Variants in ARHGEF7 observed in about 807,000 individuals in gnomAD.
ARHGEF7 encodes Rho guanine nucleotide exchange factor 7.
ARHGEF7 carries 33 observed loss-of-function variants against 109.8 expected under a neutral mutation model. The ratio of observed to expected loss-of-function variants is 0.30; its 90% CI spans 0.23 to 0.40. The LOEUF (loss-of-function observed/expected upper bound fraction) is 0.40, where lower values mean the gene tolerates loss of function less well. Ranked by LOEUF, ARHGEF7 falls within the 10% of genes least tolerant of loss-of-function variation. The pLI is 1.00. For synonymous variants in ARHGEF7, 458 were observed against 424.6 expected (o/e 1.08, Z -0.97); for missense variants, 938 against 1,098.5 (o/e 0.85, Z 2.07).
chr13:111,259,651 G>A (rs1000995769), intron 8 of ARHGEF7, among the ~76,000 whole-genome samples: 3 of 152,094 alleles, frequency 2.0e-5, no homozygotes, highest in Admixed American at 1.3e-4. Context: ...AAGAAGGATG[G>A]GTACAAACAA....
At chr13:111,175,224 G>A (rs1466134737) in intron 2 of ARHGEF7, among the ~76,000 whole-genome samples, 2 of 152,240 alleles carry the variant, frequency 1.3e-5, no homozygotes, top group Non-Finnish European at 2.9e-5. Context: ...GCCCCTGTGG[G>A]TCCCACACTG....
In ARHGEF7 at chr13:111,304,650, T is replaced by C. The variant is rs572169079; in HGVS notation, c.*1537T>C. On this transcript the variant is annotated 3_prime_UTR_variant, in exon 22 of 22. Transcript: ENST00000646102. The stretch of plus-strand genomic sequence containing the variant: ...GTGTTGTGTTGCTGTTTACGGTTCT[T>C]CCTTGCCCTTGCTAATTACAGTCTC... The C allele has an allele frequency of 6.6e-6, 1 of 152,370 alleles. No homozygotes were observed. The highest frequency in any genetic ancestry group is 1.9e-4 in the East Asian group (1 of 5,190). The allele number at this position is 152,370 out of a possible 1,614,324, so 9.4% of individuals were successfully genotyped here.
chr13:111,200,486 G>A (rs2081093383), intron 2 of ARHGEF7, among the ~76,000 whole-genome samples: 1 of 150,948 alleles, frequency 6.6e-6, no homozygotes, highest in Admixed American at 6.6e-5. Context: ...CTGTGTCAGA[G>A]GAATCCTTGA....
At chr13:111,221,298 T>TA (rs2083939636) in intron 5 of ARHGEF7, among the ~76,000 whole-genome samples, 1 of 47,190 alleles carries the variant, frequency 2.1e-5, no homozygotes, top group African/African-American at 9.1e-5. Context: ...TAGATATATA[T>TA]GTCTATATAT....
At chr13:111,153,216 A>G (rs1313067832) in intron 1 of ARHGEF7, among the ~76,000 whole-genome samples, 3 of 152,270 alleles carry the variant, frequency 2.0e-5, no homozygotes, top group Non-Finnish European at 4.4e-5. Flanking sequence ...GTTCTCTCCC[A>G]ACGATCAGGG....
chr13:111,290,487 A>G (rs191963981), intron 18 of ARHGEF7, among the ~76,000 whole-genome samples: 1 of 152,306 alleles, frequency 6.6e-6, no homozygotes, highest in Admixed American at 6.5e-5. Context: ...GCGTCTGAGG[A>G]TTTTGGTGTC....
At chr13:111,293,266 TC>T in intron 19 of ARHGEF7, 3 of 985,348 alleles carry the variant, frequency 3.0e-6, no homozygotes, top group Non-Finnish European at 3.6e-6. Flanking sequence ...ACCCCTGACA[TC>T]CATACTTATG....
chr13:111,208,292 T>C (rs12865137), intron 3 of ARHGEF7, among the ~76,000 whole-genome samples: 73,027 of 152,038 alleles, frequency 0.48, 17,988 homozygotes, highest in South Asian at 0.56. Context: ...CACCAGCCTC[T>C]GCCTCCCTAA....
At position 111,123,864 on chromosome 13, in the gene ARHGEF7, C is replaced by CCCG. The variant is rs1555339508; in HGVS notation, c.165+8175_165+8176insGCC. ...GCCATCGTTGGCTGGTGGGCTGCGC[C>CCCG]CCCCCCCCCCGGCCCCGCCCCCTGC... On this transcript the variant is annotated intron_variant, in intron 1 of 21. Coordinates refer to ENST00000646102, the MANE Select transcript of ARHGEF7 (RefSeq NM_001354046.2). Among the ~76,000 whole-genome samples the CCCG allele has an allele frequency of 4.3e-4, 14 of 32,810 alleles. 1 individual carries two copies. The highest frequency in any genetic ancestry group is 9.6e-4 in the South Asian group (1 of 1,040). The allele number at this position is 32,810 out of a possible 152,430, so 21.5% of individuals were successfully genotyped here.
intron 2 of ARHGEF7, among the ~76,000 whole-genome samples, chr13:111,165,892 T>C (rs2077087286): frequency 6.6e-6 from 1 of 152,132 alleles, no homozygotes; most frequent in Non-Finnish European, 1.5e-5. Context: ...TTGAACTAGA[T>C]GGTTTGAGAG....
Position 111,255,374 on chromosome 13 carries a change from C to T in ARHGEF7, c.950+11080C>T, listed in dbSNP as rs190520426. Among the ~76,000 whole-genome samples, 3 of 152,324 alleles carry T rather than the reference C, an allele frequency of 2.0e-5. No homozygotes were observed. Among genetic ancestry groups the T allele is most frequent in the Non-Finnish European group, 4.4e-5 (3 of 68,030 alleles). On this transcript the variant is annotated intron_variant, in intron 8 of 21. Coordinates refer to ENST00000646102, the MANE Select transcript of ARHGEF7 (RefSeq NM_001354046.2). The surrounding 1 kb of genome is among the most constrained non-coding windows in gnomAD (Gnocchi z 4.1). Reference sequence around the variant, plus strand: ...GTAAAGGTTAGGTTTGGATTGACAGCTCTCCTGGTCACCTGCCTCATGTTG... The same window carrying T: ...GTAAAGGTTAGGTTTGGATTGACAGTTCTCCTGGTCACCTGCCTCATGTTG...
chr13:111,283,066 G>A lies in ARHGEF7; in HGVS notation c.1726-73G>A, dbSNP rs56119510. On this transcript the variant is annotated intron_variant, in intron 15 of 21. Coordinates refer to ENST00000646102, the MANE Select transcript of ARHGEF7 (RefSeq NM_001354046.2). ...GTGTTTAAAGAGCAGAAGGAAGTGCGTGATAAGTGCCCTTTCGCGGTGAGC... is the reference window on the plus strand; with the variant it reads ...GTGTTTAAAGAGCAGAAGGAAGTGCATGATAAGTGCCCTTTCGCGGTGAGC... 3.5e-3 allele frequency: 5,228 copies of A among 1,484,470 alleles called. 37 individuals carry two copies. Among genetic ancestry groups the A allele is most frequent in the South Asian group, 0.018 (1,456 of 81,052 alleles). The allele number at this position is 1,484,470 out of a possible 1,614,324, so 92.0% of individuals were successfully genotyped here.
intron 6 of ARHGEF7, among the ~76,000 whole-genome samples, chr13:111,235,194 T>C (rs781483927): frequency 2.0e-5 from 3 of 152,222 alleles, no homozygotes; most frequent in Non-Finnish European, 2.9e-5. Flanking sequence ...ATAATTCTGT[T>C]AGAAAAAGTG....
chr13:111,135,131 A>G (rs1331118895), intron 1 of ARHGEF7, among the ~76,000 whole-genome samples: 2 of 152,128 alleles, frequency 1.3e-5, no homozygotes, highest in African/African-American at 4.8e-5. Context: ...ATTATTTCTG[A>G]GGGCTCTGTT....
intron 5 of ARHGEF7, among the ~76,000 whole-genome samples, chr13:111,219,836 TCTC>T (rs1010001359): frequency 6.6e-6 from 1 of 152,202 alleles, no homozygotes; most frequent in African/African-American, 2.4e-5. Flanking sequence ...CAACTTCAGT[TCTC>T]CTCATAACCC....
intron 8 of ARHGEF7, among the ~76,000 whole-genome samples, chr13:111,260,713 G>C (rs1595288116): frequency 6.6e-6 from 1 of 152,132 alleles, no homozygotes; most frequent in East Asian, 1.9e-4. Context: ...ATACAGAATA[G>C]TATAACACTA....
intron 8 of ARHGEF7, among the ~76,000 whole-genome samples, chr13:111,250,063 C>T (rs1260505365): frequency 2.0e-5 from 3 of 152,176 alleles, no homozygotes; most frequent in Non-Finnish European, 4.4e-5. Context: ...AGTAATTTGG[C>T]TATAGCCAGA....
intron 1 of ARHGEF7, among the ~76,000 whole-genome samples, chr13:111,122,898 A>G (rs2067288979): frequency 6.6e-6 from 1 of 152,148 alleles, no homozygotes; most frequent in African/African-American, 2.4e-5. Flanking sequence ...TCTTGGGAGA[A>G]CCGTTCACAC....
chr13:111,171,789 C>T (rs947583219), intron 2 of ARHGEF7, among the ~76,000 whole-genome samples: 2 of 152,324 alleles, frequency 1.3e-5, no homozygotes, highest in East Asian at 3.9e-4. Flanking sequence ...TCCTAACCCC[C>T]AAGGTGACAG....
Sources: gnomAD v4.1 joint callset for allele counts (sites outside exome capture counted in the v4.1 genomes callset) on GRCh38, gnomAD v4.1.1 for gene constraint, Gnocchi (gnomAD v3.1) non-coding constraint, MANE v1.5 for transcripts, NCBI Gene and HGNC (gene_info 2026-07-23, HGNC 2026-07-21) for gene names.